Variants in LRRC37B observed in about 807,000 individuals in gnomAD.
LRRC37B encodes the protein leucine-rich repeat-containing protein 37B.
A neutral mutation model predicts 98.3 loss-of-function variants in LRRC37B; 28 were observed. That is an observed-to-expected ratio of 0.28 (90% CI 0.21 to 0.39). LRRC37B has a LOEUF of 0.39. LRRC37B is among the 10% of genes least tolerant of loss of function. The pLI, the probability that LRRC37B is intolerant of heterozygous loss-of-function variation, is 1.00. For synonymous variants in LRRC37B, 364 were observed against 442.7 expected, an observed-to-expected ratio of 0.82 and a Z score of 2.23; for missense variants, 938 against 1,182.7, an observed-to-expected ratio of 0.79 and a Z score of 3.03.
Position 32,029,120 on chromosome 17 carries a change from A to G in LRRC37B, c.1904+1280A>G, listed in dbSNP as rs71375496. ...TGGTTCACTCCATTCTCCTGCCTCA[A>G]CCTCCCGAGTAGCTGCAACTACAGG... On this transcript the variant is annotated intron_variant, in intron 3 of 11. Coordinates refer to ENST00000327564, the Ensembl canonical transcript of LRRC37B. Among the ~76,000 whole-genome samples, 146 of 151,384 alleles carry G rather than the reference A, an allele frequency of 9.6e-4. 1 individual carries two copies. The highest frequency in any genetic ancestry group is 1.7e-3 in the Admixed American group (26 of 15,190).
chr17:32,021,030 A>C (rs1289730159), exon 1 of LRRC37B: 2 of 1,589,740 alleles, frequency 1.3e-6, no homozygotes, highest in Non-Finnish European at 1.7e-6. Context: ...AAGCCTAATA[A>C]AGGTGACATA....
chr17:32,021,849 G>A (rs868230482), exon 1 of LRRC37B: 31 of 1,614,016 alleles, frequency 1.9e-5, no homozygotes, highest in Non-Finnish European at 2.5e-5. Flanking sequence ...ACTGTATCCC[G>A]GCAGCCTACC....
chr17:32,034,680 G>T (rs1472066317), intron 5 of LRRC37B, among the ~76,000 whole-genome samples: 2 of 147,120 alleles, frequency 1.4e-5, no homozygotes, highest in Non-Finnish European at 1.5e-5. Context: ...TTTCTTGTGT[G>T]TTTTTTTTTT....
intron 1 of LRRC37B, among the ~76,000 whole-genome samples, chr17:32,023,842 G>C (rs495117): frequency 3.3e-5 from 5 of 152,196 alleles, no homozygotes; most frequent in African/African-American, 1.2e-4. Flanking sequence ...GGAGGGAAGA[G>C]AGAGAATACG....
chr17:32,021,972 C>G (rs1598203650), exon 1 of LRRC37B: 1 of 1,614,084 alleles, frequency 6.2e-7, no homozygotes, highest in Middle Eastern at 1.7e-4. Flanking sequence ...TGAAGACATC[C>G]AGTCCTCTTC....
exon 1 of LRRC37B, chr17:32,022,600 T>A: frequency 6.2e-7 from 1 of 1,614,026 alleles, no homozygotes. Context: ...CATCGAAGCC[T>A]GACTGAAGTC....
At chr17:32,021,117 T>C in exon 1 of LRRC37B, 1 of 1,614,156 alleles carries the variant, frequency 6.2e-7, no homozygotes, top group African/African-American at 1.3e-5. Flanking sequence ...CAGAATGGCT[T>C]TTGCTGAGTG....
intron 7 of LRRC37B, chr17:32,042,659 C>G (rs993801508): frequency 2.6e-5 from 4 of 152,760 alleles, no homozygotes; most frequent in African/African-American, 9.6e-5. Context: ...ATTCCCTTCC[C>G]CCTGAGGCCC....
intron 5 of LRRC37B, 55 bp from the exon 9 acceptor site, chr17:32,034,855 A>T: frequency 1.5e-6 from 2 of 1,318,662 alleles, no homozygotes. Flanking sequence ...TAGACTTTTT[A>T]TGCAGTTTCA....
At chr17:32,040,892 C>T in intron 7 of LRRC37B, 2 of 909,766 alleles carry the variant, frequency 2.2e-6, no homozygotes, top group Non-Finnish European at 3.7e-6. Context: ...GGATCCAGCA[C>T]CACCTGCAGA....
rs566911163 is a variant in LRRC37B at position 32,043,775 on chromosome 17, C to A, written c.2205-1925C>A. On this transcript the variant is annotated intron_variant, in intron 7 of 11. Coordinates refer to ENST00000327564, the Ensembl canonical transcript of LRRC37B. ...TTAATTTAAAACTCTATACATCATA[C>A]CCCCAACTCACAGACTTCATGTATC... 2.6e-5 allele frequency among the ~76,000 whole-genome samples: 4 copies of A among 152,236 alleles called. No individual in the cohort carries two copies. The East Asian group carries it at 5.8e-4, about 22-fold the overall frequency.
At chr17:32,026,731 G>A (rs1301902884) in intron 2 of LRRC37B, among the ~76,000 whole-genome samples, 1 of 152,182 alleles carries the variant, frequency 6.6e-6, no homozygotes. Context: ...GCCAGGCCAG[G>A]ACTACATTTT....
intron 1 of LRRC37B, among the ~76,000 whole-genome samples, chr17:32,009,082 TC>T (rs1356745515): frequency 6.6e-6 from 1 of 152,132 alleles, no homozygotes; most frequent in Non-Finnish European, 1.5e-5. Context: ...CCCTGTATCC[TC>T]CCTAGCACTT....
At chr17:32,046,124 C>T (rs1308315107) in intron 8 of LRRC37B, among the ~76,000 whole-genome samples, 1 of 152,182 alleles carries the variant, frequency 6.6e-6, no homozygotes, top group Non-Finnish European at 1.5e-5. Flanking sequence ...TGCTTTGCCC[C>T]CAGTGATAAT....
exon 1 of LRRC37B, chr17:32,022,290 A>G (rs375907333): frequency 1.2e-6 from 2 of 1,613,960 alleles, no homozygotes; most frequent in Admixed American, 1.7e-5. Flanking sequence ...ACCTTCTTCT[A>G]CAGCCCTGAG....
intron 5 of LRRC37B, among the ~76,000 whole-genome samples, chr17:32,033,600 G>T (rs1911167134): frequency 6.6e-6 from 1 of 152,060 alleles, no homozygotes; most frequent in South Asian, 2.1e-4. Context: ...ACCACATAAG[G>T]TTATTGTGAG....
At chr17:32,044,555 C>T (rs1398617731) in intron 7 of LRRC37B, among the ~76,000 whole-genome samples, 1 of 152,116 alleles carries the variant, frequency 6.6e-6, no homozygotes, top group Non-Finnish European at 1.5e-5. Flanking sequence ...AGTTTGATCA[C>T]TTGTTTAAGG....
intron 1 of LRRC37B, among the ~76,000 whole-genome samples, chr17:32,015,733 T>G (rs1297690998): frequency 4.6e-5 from 7 of 152,230 alleles, no homozygotes; most frequent in Non-Finnish European, 8.8e-5. Context: ...TGTTTATGGG[T>G]GTCATTGGTT....
chr17:32,007,649 C>G (rs948810172), upstream of LRRC37B, among the ~76,000 whole-genome samples: 64 of 151,456 alleles, frequency 4.2e-4, no homozygotes, highest in African/African-American at 1.5e-3. This position sits in a 1 kb window ranked among gnomAD's most constrained non-coding sequence, Gnocchi z 4.1. Context: ...GCCCGCGGCT[C>G]CCGCTGCGGA....
Sources: allele counts gnomAD v4.1 joint callset (sites outside exome capture counted in the v4.1 genomes callset), GRCh38; gene constraint gnomAD v4.1.1; non-coding constraint Gnocchi (gnomAD v3.1); transcripts MANE v1.5; gene names NCBI Gene and HGNC (gene_info 2026-07-23, HGNC 2026-07-21).